CALN1: variants seen among roughly 807,000 people sequenced by gnomAD.
The protein encoded by CALN1 is calcium-binding protein 8.
Under a neutral mutation model 30.6 loss-of-function variants are expected in CALN1, and 17 were observed. The observed-to-expected ratio is 0.56, with a 90% CI of 0.38 to 0.83. The LOEUF (loss-of-function observed/expected upper bound fraction) is 0.83. Among genes scored for constraint, CALN1 ranks in the 40% least tolerant of loss-of-function variants. The pLI is 0.00. For synonymous variants in CALN1, 156 were observed against 131.4 expected (o/e 1.19, Z -1.28); for missense variants, 291 against 354.9 (o/e 0.82, Z 1.45).
chr7:72,404,393 G>C (rs1236096712), intron 1 of CALN1, among the ~76,000 whole-genome samples: 1 of 152,096 alleles, frequency 6.6e-6, no homozygotes, highest in Admixed American at 6.6e-5. Context: ...AGTTCTCTTT[G>C]GTTTCATTGA....
chr7:71,784,706 CCA>C lies in CALN1; in HGVS notation c.*3067_*3068del. On this transcript the variant is annotated 3_prime_UTR_variant, in exon 7 of 7. Transcript: ENST00000395275. The stretch of plus-strand genomic sequence containing the variant: ...CCTGTGTTTGTCAATCACTCAGCCT[CCA>C]CACAGTTGGGCAGCCAAGGTCACTG... 2.5e-6 allele frequency: 1 copy of C among 398,114 alleles called. No individual in the cohort carries two copies. Among genetic ancestry groups the C allele is most frequent in the East Asian group, 3.6e-5 (1 of 28,062 alleles). The allele number at this position is 398,114 out of a possible 1,614,324, so 24.7% of individuals were successfully genotyped here.
intron 1 of CALN1, among the ~76,000 whole-genome samples, 184 bp downstream of exon 1, chr7:72,411,874 T>A (rs959784936): frequency 6.6e-6 from 1 of 152,166 alleles, no homozygotes; most frequent in Admixed American, 6.5e-5. Context: ...ACCAAATAGT[T>A]GATGAAGCAA....
the CALN1 span, among the ~76,000 whole-genome samples, chr7:72,477,126 G>A: frequency 1.3e-5 from 2 of 152,086 alleles, no homozygotes; most frequent in South Asian, 2.1e-4. Context: ...CAGGAGAACT[G>A]CATGAACCCA....
intron 2 of CALN1, among the ~76,000 whole-genome samples, chr7:72,327,617 T>C (rs1388043296): frequency 2.0e-5 from 3 of 152,264 alleles, no homozygotes; most frequent in Non-Finnish European, 4.4e-5. Flanking sequence ...ACTTCTACAT[T>C]TTCCTATTGC....
the CALN1 span, among the ~76,000 whole-genome samples, chr7:72,471,786 C>T: frequency 6.6e-6 from 1 of 152,108 alleles, no homozygotes. Context: ...CGTGGGGCGT[C>T]ACAATGGGGT....
intron 2 of CALN1, among the ~76,000 whole-genome samples, chr7:72,358,355 A>G (rs149807768): frequency 3.3e-5 from 5 of 151,984 alleles, no homozygotes; most frequent in Admixed American, 1.3e-4. Flanking sequence ...CTGGATCTCT[A>G]TATTTCCTCG....
chr7:72,465,589 C>A, the CALN1 span, among the ~76,000 whole-genome samples: 1 of 152,040 alleles, frequency 6.6e-6, no homozygotes, highest in Non-Finnish European at 1.5e-5. Flanking sequence ...CAAGGCCAGA[C>A]CAATAGGAGA....
At chr7:72,326,563 G>A (rs957799880) in intron 2 of CALN1, among the ~76,000 whole-genome samples, 9 of 152,226 alleles carry the variant, frequency 5.9e-5, no homozygotes, top group Admixed American at 3.9e-4. Flanking sequence ...GAATGCTGGA[G>A]GCTGAGACGC....
intron 2 of CALN1, among the ~76,000 whole-genome samples, chr7:72,332,113 A>G (rs1321341089): frequency 6.6e-6 from 1 of 152,150 alleles, no homozygotes; most frequent in East Asian, 1.9e-4. Context: ...ATGGGCATGT[A>G]AGATGATTCC....
At chr7:72,409,833 G>A (rs1202273769) in intron 1 of CALN1, among the ~76,000 whole-genome samples, 8 of 152,142 alleles carry the variant, frequency 5.3e-5, no homozygotes, top group Admixed American at 6.5e-5. Flanking sequence ...TTTTAACCAC[G>A]TTGGGCATCA....
At chr7:71,830,046 T>TG (rs1562818676) in intron 5 of CALN1, among the ~76,000 whole-genome samples, 1 of 151,732 alleles carries the variant, frequency 6.6e-6, no homozygotes, top group African/African-American at 2.4e-5. Flanking sequence ...TTTTTTTTTT[T>TG]TTGTTCTTTT....
chr7:72,161,423 T>C (rs1788099946), intron 3 of CALN1, among the ~76,000 whole-genome samples: 1 of 152,212 alleles, frequency 6.6e-6, no homozygotes, highest in Non-Finnish European at 1.5e-5. Context: ...AATAATGTCA[T>C]AAATCAGTTG....
chr7:71,966,691 C>T (rs949121156), intron 5 of CALN1, among the ~76,000 whole-genome samples: 1 of 152,178 alleles, frequency 6.6e-6, no homozygotes, highest in Admixed American at 6.6e-5. Flanking sequence ...AACCTCTCTT[C>T]TTTATATATT....
chr7:72,278,798 C>T lies in CALN1; in HGVS notation c.132G>A (p.Pro44=), dbSNP rs749576958. 8.7e-6 allele frequency: 14 copies of T among 1,613,030 alleles called. 1 individual carries two copies. Among genetic ancestry groups the T allele is most frequent in the Middle Eastern group, 1.6e-4 (1 of 6,078 alleles). The change falls in exon 3 of 7, where the codon CCG becomes CCA. Residue 44 remains proline (P), a synonymous_variant. Transcript: ENST00000395275. ...APDFPTWEKM[P]FHHVTAGLLY... ...ACAAGCCGGCGGTCACATGGTGGAA[C>T]GGCATCTTTTCCCTGCCCAAGAGAG... is the stretch of plus-strand genomic sequence containing the variant.
At chr7:72,140,340 A>AAGGAAGGG (rs1809824595) in intron 3 of CALN1, among the ~76,000 whole-genome samples, 1 of 65,336 alleles carries the variant, frequency 1.5e-5, no homozygotes, top group African/African-American at 5.0e-5. Context: ...AGAAGGAAGG[A>AAGGAAGGG]AGGGAGGGAG....
intron 4 of CALN1, among the ~76,000 whole-genome samples, chr7:72,073,665 C>T (rs1216516304): frequency 6.6e-6 from 1 of 151,120 alleles, no homozygotes; most frequent in Non-Finnish European, 1.5e-5. Context: ...TTCTCCCCTC[C>T]CCTCCCCTCC....
the CALN1 span, among the ~76,000 whole-genome samples, chr7:72,471,477 C>T: frequency 4.7e-4 from 72 of 152,208 alleles, no homozygotes; most frequent in African/African-American, 1.7e-3. Flanking sequence ...TGTCACTGGG[C>T]ACATGCTGCT....
At chr7:72,281,948 A>T (rs530693509) in intron 2 of CALN1, among the ~76,000 whole-genome samples, 1 of 152,320 alleles carries the variant, frequency 6.6e-6, no homozygotes, top group African/African-American at 2.4e-5. Context: ...TGAAAAAAAA[A>T]GGCAGCTTAC....
At chr7:72,185,269 C>T (rs571349975) in intron 3 of CALN1, among the ~76,000 whole-genome samples, 1 of 152,110 alleles carries the variant, frequency 6.6e-6, no homozygotes, top group East Asian at 1.9e-4. Context: ...CCATGTGCAT[C>T]CCCATGAAAG....
Sources: gnomAD v4.1 joint callset for allele counts (sites outside exome capture counted in the v4.1 genomes callset) on GRCh38, gnomAD v4.1.1 for gene constraint, MANE v1.5 for transcripts, NCBI Gene and HGNC (gene_info 2026-07-23, HGNC 2026-07-21) for gene names.